Variants in ARID1B observed in about 807,000 individuals in gnomAD.
ARID1B encodes AT-rich interaction domain 1B, also known as AT-rich interactive domain-containing protein 1B.
Under a neutral mutation model 212.3 loss-of-function variants are expected in ARID1B, and 30 were observed. The ratio of observed to expected loss-of-function variants is 0.14; its 90% CI spans 0.11 to 0.19. The LOEUF is 0.19. Among genes scored for constraint, ARID1B ranks in the 10% least tolerant of loss-of-function variants. The pLI, the probability that ARID1B is intolerant of heterozygous loss-of-function variation, is 1.00. For missense variants in ARID1B, 2,891 were observed against 3,204.0 expected (o/e 0.90, Z 2.36); for synonymous variants, 1,402 against 1,301.7 (o/e 1.08, Z -1.66).
At chr6:156,947,523 ATT>A (rs1793244071) in intron 4 of ARID1B, among the ~76,000 whole-genome samples, 1 of 151,384 alleles carries the variant, frequency 6.6e-6, no homozygotes, top group African/African-American at 2.4e-5. Flanking sequence ...ATCCCCTTTT[ATT>A]TTGTAGAAAT....
At chr6:157,021,618 C>G (rs2128475129) in intron 4 of ARID1B, among the ~76,000 whole-genome samples, 1 of 152,316 alleles carries the variant, frequency 6.6e-6, no homozygotes, top group African/African-American at 2.4e-5. Flanking sequence ...TCCGACGGCG[C>G]CGCGCCGCGC....
At chr6:157,081,480 C>T (rs978842725) in intron 4 of ARID1B, among the ~76,000 whole-genome samples, 9 of 152,138 alleles carry the variant, frequency 5.9e-5, no homozygotes, top group East Asian at 1.9e-4. Flanking sequence ...ATATAAAAGT[C>T]GCGTGAGTGT....
At chr6:156,945,878 C>T (rs1441511552) in intron 4 of ARID1B, among the ~76,000 whole-genome samples, 2 of 151,630 alleles carry the variant, frequency 1.3e-5, no homozygotes, top group Non-Finnish European at 2.9e-5. Context: ...TGTGGTAGGG[C>T]ATGCCTGTGG....
chr6:157,015,786 T>C (rs1272520740), intron 4 of ARID1B, among the ~76,000 whole-genome samples: 1 of 152,166 alleles, frequency 6.6e-6, no homozygotes, highest in East Asian at 1.9e-4. Flanking sequence ...GGCACGATAG[T>C]AAAATTGTAG....
At chr6:156,882,740 C>T (rs780105171) in intron 2 of ARID1B, among the ~76,000 whole-genome samples, 5 of 152,256 alleles carry the variant, frequency 3.3e-5, no homozygotes, top group East Asian at 1.9e-4. Context: ...TAGTTTAAAA[C>T]GTTTAAAAGT....
At chr6:156,814,087 G>A (rs551394195) in intron 1 of ARID1B, among the ~76,000 whole-genome samples, 14 of 152,260 alleles carry the variant, frequency 9.2e-5, no homozygotes, top group African/African-American at 3.1e-4. Context: ...AAAGGAATAC[G>A]TAAGAATCAA....
intron 4 of ARID1B, among the ~76,000 whole-genome samples, chr6:157,080,547 T>C (rs920124860): frequency 6.6e-6 from 1 of 152,252 alleles, no homozygotes; most frequent in Non-Finnish European, 1.5e-5. Context: ...ATGCATCTTC[T>C]TTGTGGGATG....
chr6:156,870,464 A>G (rs1474643884), intron 2 of ARID1B: 1 of 152,226 alleles, frequency 6.6e-6, no homozygotes, highest in African/African-American at 2.4e-5. Context: ...AAAATGTCTC[A>G]CTTCAGGGCT....
At chr6:157,031,421 C>T (rs1781010352) in intron 4 of ARID1B, among the ~76,000 whole-genome samples, 1 of 152,172 alleles carries the variant, frequency 6.6e-6, no homozygotes, top group Non-Finnish European at 1.5e-5. Flanking sequence ...CCAAGAGCAT[C>T]TAAATTCTTG....
intron 7 of ARID1B, among the ~76,000 whole-genome samples, chr6:157,141,694 A>G (rs767895017): frequency 6.6e-6 from 1 of 152,214 alleles, no homozygotes; most frequent in Non-Finnish European, 1.5e-5. Context: ...CACATGGAAA[A>G]TCCTCAAAAT....
rs1794663149 is a variant in ARID1B at position 157,209,238 on chromosome 6, A to T, written c.*1347A>T. ...TTATATGTTCCACATGTTAAGAATA[A>T]ATGTACATTAAATCTTGTTAAGCAC... On this transcript the variant is annotated 3_prime_UTR_variant, in exon 20 of 20. Transcript: ENST00000636930. The T allele has an allele frequency of 4.3e-6, 1 of 231,870 alleles. No homozygotes were observed. Among genetic ancestry groups the T allele is most frequent in the African/African-American group, 2.2e-5 (1 of 45,278 alleles). The allele number at this position is 231,870 out of a possible 1,614,324, so 14.4% of individuals were successfully genotyped here. A position where few individuals can be genotyped will look rare whatever the true frequency, so the allele number is the denominator to read the frequency against.
chr6:156,996,046 T>G (rs1778569281), intron 4 of ARID1B, among the ~76,000 whole-genome samples: 1 of 152,220 alleles, frequency 6.6e-6, no homozygotes, highest in African/African-American at 2.4e-5. Flanking sequence ...ATCTTTAAAC[T>G]CTTCAACAGT....
intron 4 of ARID1B, among the ~76,000 whole-genome samples, chr6:156,958,986 C>T (rs1264630638): frequency 6.6e-6 from 1 of 152,168 alleles, no homozygotes; most frequent in African/African-American, 2.4e-5. Context: ...TGTGCCTCAA[C>T]CTAAACACCA....
chr6:156,815,257 C>T lies in ARID1B; in HGVS notation c.1792-13970C>T, dbSNP rs759850613. The stretch of plus-strand genomic sequence containing the variant: ...ATCCAGACATGTGTATATTTTGTAA[C>T]GTAGGGTAAAATTTTCTACTGTTGA... On this transcript the variant is annotated intron_variant, in intron 1 of 19. Transcript: ENST00000636930. Among the ~76,000 whole-genome samples the T allele has an allele frequency of 1.8e-4, 28 of 152,048 alleles. 1 individual carries two copies. Among genetic ancestry groups the T allele is most frequent in the Middle Eastern group, 3.4e-3 (1 of 294 alleles).
chr6:157,200,233 C>G lies in ARID1B; in HGVS notation c.4480-472C>G, dbSNP rs1206484037. ...TGGATGTTGGGTGACACGGGCCAGT[C>G]TGGGGAGCCGAGTCCTGTTCGGGGG... On this transcript the variant is annotated intron_variant, in intron 17 of 19. Coordinates refer to ENST00000636930, the MANE Select transcript of ARID1B (RefSeq NM_001374828.1). The surrounding 1 kb of genome is among the most constrained non-coding windows in gnomAD (Gnocchi z 4.3). Among the ~76,000 whole-genome samples the G allele has an allele frequency of 6.6e-6, 1 of 152,144 alleles. No individual in the cohort carries two copies. The highest frequency in any genetic ancestry group is 1.5e-5 in the Non-Finnish European group (1 of 68,012).
At chr6:157,095,260 C>G (rs1390971849) in intron 5 of ARID1B, among the ~76,000 whole-genome samples, 2 of 152,180 alleles carry the variant, frequency 1.3e-5, no homozygotes, top group African/African-American at 4.8e-5. Flanking sequence ...CCTCAGCACT[C>G]GCCACACAAC....
rs545077520 is a variant in ARID1B, at chr6:156,815,336, C to T, written c.1792-13891C>T. Among the ~76,000 whole-genome samples, 20 of 152,198 alleles carry T rather than the reference C, an allele frequency of 1.3e-4. 1 individual carries two copies. The highest frequency in any genetic ancestry group is 4.1e-4 in the African/African-American group (17 of 41,520). ...TTTAAGATAGTAAAGATCCTTCGTG[C>T]GCTGATGCTAGATTGGTATATTAAT... On this transcript the variant is annotated intron_variant, in intron 1 of 19. Coordinates refer to ENST00000636930, the MANE Select transcript of ARID1B (RefSeq NM_001374828.1).
intron 9 of ARID1B, among the ~76,000 whole-genome samples, chr6:157,170,895 T>C (rs766570476): frequency 5.3e-5 from 8 of 152,216 alleles, no homozygotes; most frequent in African/African-American, 1.7e-4. Flanking sequence ...CATGTAAACA[T>C]AGTCATGAAC....
At chr6:157,009,294 T>G (rs1779425735) in intron 4 of ARID1B, among the ~76,000 whole-genome samples, 2 of 152,156 alleles carry the variant, frequency 1.3e-5, no homozygotes, top group Non-Finnish European at 2.9e-5. Flanking sequence ...GGTAATGGCG[T>G]GCAAGTCAGT....
Sources: allele counts gnomAD v4.1 joint callset (sites outside exome capture counted in the v4.1 genomes callset), GRCh38; gene constraint gnomAD v4.1.1; non-coding constraint Gnocchi (gnomAD v3.1); transcripts MANE v1.5; gene names NCBI Gene and HGNC (gene_info 2026-07-23, HGNC 2026-07-21).